The following FKBP5 variants were observed in gnomAD, a reference collection of about 807,000 sequenced individuals.
FKBP5 encodes FKBP prolyl isomerase 5, also known as peptidyl-prolyl cis-trans isomerase FKBP5.
Under a neutral mutation model 50.5 loss-of-function variants are expected in FKBP5, and 23 were observed. The ratio of observed to expected loss-of-function variants is 0.46; its 90% CI spans 0.33 to 0.65. FKBP5 has a LOEUF of 0.65. FKBP5 is among the 30% of genes least tolerant of loss of function. FKBP5 has a pLI of 0.02. For missense variants in FKBP5, 411 were observed against 553.1 expected (o/e 0.74, Z 2.58); for synonymous variants, 176 against 190.6 (o/e 0.92, Z 0.63).
At chr6:35,619,918 T>C (rs766323207) in intron 4 of FKBP5, among the ~76,000 whole-genome samples, 4 of 152,168 alleles carry the variant, frequency 2.6e-5, no homozygotes, top group Non-Finnish European at 5.9e-5. Context: ...TATTTGGATA[T>C]GACCTTTTTG....
At chr6:35,687,224 A>C (rs1765853398) in intron 1 of FKBP5, among the ~76,000 whole-genome samples, 1 of 152,230 alleles carries the variant, frequency 6.6e-6, no homozygotes, top group Non-Finnish European at 1.5e-5. Flanking sequence ...GTAACTAAAT[A>C]AAGTGTTTCT....
At chr6:35,654,075 A>G (rs1764884756) in intron 1 of FKBP5, among the ~76,000 whole-genome samples, 1 of 152,210 alleles carries the variant, frequency 6.6e-6, no homozygotes, top group Admixed American at 6.5e-5. Context: ...GTATACATGT[A>G]TGTGCATATG....
chr6:35,651,493 T>C (rs1017678507), intron 1 of FKBP5, among the ~76,000 whole-genome samples: 3 of 152,186 alleles, frequency 2.0e-5, no homozygotes, highest in African/African-American at 7.2e-5. Flanking sequence ...AGATAAGGCC[T>C]GAGCTCAGGA....
chr6:35,684,676 T>C (rs1765772936), intron 1 of FKBP5, among the ~76,000 whole-genome samples: 1 of 152,264 alleles, frequency 6.6e-6, no homozygotes, highest in East Asian at 1.9e-4. Context: ...AACAAATATA[T>C]AGACCCCACA....
chr6:35,609,205 G>T (rs954784415), intron 5 of FKBP5, among the ~76,000 whole-genome samples: 1 of 151,730 alleles, frequency 6.6e-6, no homozygotes, highest in African/African-American at 2.4e-5. Flanking sequence ...TGTTTCTTAT[G>T]CCTTGAGTTG....
intron 5 of FKBP5, among the ~76,000 whole-genome samples, chr6:35,618,291 T>C (rs542499637): frequency 6.6e-6 from 1 of 152,356 alleles, no homozygotes; most frequent in East Asian, 1.9e-4. Context: ...ATTTTTGAGT[T>C]TGTAGAGGCT....
chr6:35,678,218 G>A (rs1465146740), intron 1 of FKBP5, among the ~76,000 whole-genome samples: 2 of 152,030 alleles, frequency 1.3e-5, no homozygotes, highest in African/African-American at 4.8e-5. Context: ...AGGGAAGTCA[G>A]GAAGAGAAGT....
intron 5 of FKBP5, among the ~76,000 whole-genome samples, chr6:35,615,124 A>AAACAACAACAAC (rs534273489): frequency 6.1e-5 from 9 of 148,202 alleles, no homozygotes; most frequent in African/African-American, 2.0e-4. Flanking sequence ...ACTCTGTCGC[A>AAACAACAACAAC]AACAACAACA....
intron 1 of FKBP5, among the ~76,000 whole-genome samples, chr6:35,722,427 C>T (rs1200721826): frequency 2.0e-5 from 3 of 152,206 alleles, no homozygotes; most frequent in African/African-American, 7.2e-5. Context: ...GAGGAGAGTG[C>T]TTTGGGCCTG....
intron 1 of FKBP5, among the ~76,000 whole-genome samples, chr6:35,649,095 C>A (rs1045759070): frequency 6.6e-6 from 1 of 151,714 alleles, no homozygotes; most frequent in African/African-American, 2.4e-5. Context: ...ACTAAAAATA[C>A]AAAATATTAG....
intron 1 of FKBP5, among the ~76,000 whole-genome samples, chr6:35,722,356 T>G (rs1389583418): frequency 6.6e-6 from 1 of 152,194 alleles, no homozygotes; most frequent in African/African-American, 2.4e-5. Flanking sequence ...AGCATTATAT[T>G]TAAGTGACTA....
At chr6:35,620,027 T>C in intron 4 of FKBP5, 105 bp downstream of exon 4, 1 of 1,380,706 alleles carries the variant, frequency 7.2e-7, no homozygotes, top group Non-Finnish European at 1.0e-6. Flanking sequence ...AAGTTGGATC[T>C]GATTCTCTAT....
In FKBP5 at chr6:35,580,226, G is replaced by C; in HGVS notation, c.841-5C>G. 6.2e-7 allele frequency: 1 copy of C among 1,605,234 alleles called. No individual in the cohort carries two copies. The highest frequency in any genetic ancestry group is 1.1e-5 in the South Asian group (1 of 90,138). ...CGCCTGCATGTATTTGCCTCCCTAGGATAAAAAAGCGTCATTACTTGTACT... is the reference window on the plus strand; with the variant it reads ...CGCCTGCATGTATTTGCCTCCCTAGCATAAAAAAGCGTCATTACTTGTACT... On this transcript the variant is annotated splice_polypyrimidine_tract_variant and splice_region_variant and intron_variant, in intron 8 of 10. Transcript: ENST00000357266.
At chr6:35,654,674 G>T (rs1050191518) in intron 1 of FKBP5, among the ~76,000 whole-genome samples, 1 of 152,218 alleles carries the variant, frequency 6.6e-6, no homozygotes, top group South Asian at 2.1e-4. Flanking sequence ...GCCCAGGCTA[G>T]AGTGCAATGG....
At chr6:35,631,899 G>T (rs1764169454) in intron 3 of FKBP5, among the ~76,000 whole-genome samples, 1 of 147,686 alleles carries the variant, frequency 6.8e-6, no homozygotes, top group Admixed American at 6.9e-5. Flanking sequence ...AGGTTGCAAT[G>T]AGCGGAGATC....
intron 2 of FKBP5, among the ~76,000 whole-genome samples, chr6:35,716,593 C>T (rs1766516259): frequency 6.6e-6 from 1 of 152,122 alleles, no homozygotes; most frequent in African/African-American, 2.4e-5. Flanking sequence ...TGCCACCCCT[C>T]ACCCTTCCTA....
At chr6:35,695,476 C>T (rs540642097) in intron 2 of FKBP5, among the ~76,000 whole-genome samples, 1 of 152,282 alleles carries the variant, frequency 6.6e-6, no homozygotes, top group Admixed American at 6.5e-5. Flanking sequence ...ATTCCAACCA[C>T]TTCTATTTAA....
intron 8 of FKBP5, chr6:35,585,127 G>C (rs190932974): frequency 1.0e-6 from 1 of 983,354 alleles, no homozygotes; most frequent in South Asian, 4.7e-5. Flanking sequence ...TATAATTCTA[G>C]TCAAAGGCCA....
At chr6:35,596,274 G>C (rs1762980685) in intron 6 of FKBP5, among the ~76,000 whole-genome samples, 1 of 152,110 alleles carries the variant, frequency 6.6e-6, no homozygotes, top group Non-Finnish European at 1.5e-5. Flanking sequence ...AAAATTGCTT[G>C]AACCCAGAGG....
Sources: allele counts gnomAD v4.1 joint callset (sites outside exome capture counted in the v4.1 genomes callset), GRCh38; gene constraint gnomAD v4.1.1; transcripts MANE v1.5; gene names NCBI Gene and HGNC (gene_info 2026-07-23, HGNC 2026-07-21).